NKAIN2: variants seen among roughly 807,000 people sequenced by gnomAD.
The protein encoded by NKAIN2 is sodium/potassium-transporting ATPase subunit beta-1-interacting protein 2.
NKAIN2 carries 14 observed loss-of-function variants against 32.6 expected under a neutral mutation model. That is an observed-to-expected ratio of 0.43 (90% CI 0.28 to 0.67). The LOEUF is 0.67. Ranked by LOEUF, NKAIN2 falls within the 30% of genes least tolerant of loss-of-function variation. The pLI is 0.17. For synonymous variants in NKAIN2, 80 were observed against 87.2 expected, an observed-to-expected ratio of 0.92 and a Z score of 0.46; for missense variants, 198 against 258.3, an observed-to-expected ratio of 0.77 and a Z score of 1.60.
At chr6:124,691,909 T>C (rs958193825) in intron 4 of NKAIN2, among the ~76,000 whole-genome samples, 4 of 152,148 alleles carry the variant, frequency 2.6e-5, no homozygotes, top group African/African-American at 9.7e-5. Flanking sequence ...CTTAAGAAAA[T>C]CACATCACTT....
intron 1 of NKAIN2, among the ~76,000 whole-genome samples, chr6:123,961,995 C>G (rs1777871655): frequency 6.6e-6 from 1 of 152,076 alleles, no homozygotes; most frequent in Non-Finnish European, 1.5e-5. Context: ...ATTGCTTCAT[C>G]AAATAGTTTA....
intron 1 of NKAIN2, among the ~76,000 whole-genome samples, chr6:123,871,619 T>G (rs375007883): frequency 6.6e-6 from 1 of 152,168 alleles, no homozygotes; most frequent in Admixed American, 6.5e-5. Flanking sequence ...GGAGATATAT[T>G]TGGACACTTT....
chr6:124,686,750 C>G (rs1189021996), intron 4 of NKAIN2, among the ~76,000 whole-genome samples: 7 of 152,032 alleles, frequency 4.6e-5, no homozygotes, highest in African/African-American at 1.4e-4. Flanking sequence ...TATGGCCATA[C>G]CTGTGATGGT....
At chr6:124,505,944 C>A (rs1323614025) in intron 3 of NKAIN2, among the ~76,000 whole-genome samples, 1 of 152,054 alleles carries the variant, frequency 6.6e-6, no homozygotes, top group South Asian at 2.1e-4. Flanking sequence ...GAGGCCGAGG[C>A]AGGCAGATCA....
At chr6:124,308,487 A>G (rs980249237) in intron 2 of NKAIN2, among the ~76,000 whole-genome samples, 14 of 152,250 alleles carry the variant, frequency 9.2e-5, no homozygotes, top group African/African-American at 1.7e-4. Flanking sequence ...GCAAACAGAT[A>G]TAAACATTTA....
At chr6:124,210,150 T>A (rs1010315911) in intron 1 of NKAIN2, among the ~76,000 whole-genome samples, 3 of 151,952 alleles carry the variant, frequency 2.0e-5, no homozygotes, top group Admixed American at 2.0e-4. Context: ...GAGATCTAGT[T>A]TCATTCTTCT....
chr6:124,077,165 G>A (rs1217685953), intron 1 of NKAIN2, among the ~76,000 whole-genome samples: 1 of 152,162 alleles, frequency 6.6e-6, no homozygotes, highest in Non-Finnish European at 1.5e-5. Context: ...GTTTTGTGCT[G>A]TAGCACAATC....
In NKAIN2 at chr6:124,355,268, A is replaced by G. The variant is rs752985082; in HGVS notation, c.194A>G (p.Tyr65Cys). The change falls in exon 3 of 7, where the codon TAT (tyrosine) becomes TGT (cysteine). Residue 65 changes from tyrosine (Y) to cysteine (C), a missense_variant and splice_region_variant. Tyr to Cys is a radical substitution (Grantham distance 194). Coordinates refer to ENST00000368417, the MANE Select transcript of NKAIN2 (RefSeq NM_001040214.3). ...IQYRPRYITG[Y>C]AVWLVLWVTW... ...TATTTCTCTCTTGCTTCTCTACAGT[A>G]TGCTGTCTGGCTAGTCCTCTGGGTT... 2 of 1,590,862 alleles carry G rather than the reference A, an allele frequency of 1.3e-6. No homozygotes were observed. The highest frequency in any genetic ancestry group is 2.2e-5 in the South Asian group (2 of 90,570).
chr6:124,168,639 T>TA (rs1788693821), intron 1 of NKAIN2, among the ~76,000 whole-genome samples: 1 of 152,062 alleles, frequency 6.6e-6, no homozygotes, highest in Non-Finnish European at 1.5e-5. Context: ...TTTAGAACCA[T>TA]TGCCTGTGTG....
intron 3 of NKAIN2, among the ~76,000 whole-genome samples, chr6:124,496,198 C>T (rs917722335): frequency 3.9e-5 from 6 of 152,110 alleles, no homozygotes; most frequent in African/African-American, 1.2e-4. Context: ...TTTACTCCCT[C>T]GTCAAATGTG....
intron 3 of NKAIN2, among the ~76,000 whole-genome samples, chr6:124,457,926 A>G (rs1251595477): frequency 6.6e-6 from 1 of 151,938 alleles, no homozygotes; most frequent in Non-Finnish European, 1.5e-5. Context: ...ACCTGTGTGT[A>G]TGAAAGGTGC....
chr6:123,814,504 A>G (rs1773610739), intron 1 of NKAIN2, among the ~76,000 whole-genome samples: 1 of 152,216 alleles, frequency 6.6e-6, no homozygotes, highest in Non-Finnish European at 1.5e-5. Context: ...ATGTGGTGAC[A>G]TTTAATTATA....
chr6:124,653,096 A>G (rs1198197759), intron 3 of NKAIN2, among the ~76,000 whole-genome samples: 1 of 152,200 alleles, frequency 6.6e-6, no homozygotes, highest in Non-Finnish European at 1.5e-5. Context: ...AGCTTGATCG[A>G]TAGATTCATC....
At position 124,698,943 on chromosome 6, in the gene NKAIN2, A is replaced by C. The variant is rs183051264; in HGVS notation, c.474+40557A>C. 1.8e-3 allele frequency among the ~76,000 whole-genome samples: 280 copies of C among 152,300 alleles called. 4 individuals are homozygous for C. The highest frequency in any genetic ancestry group is 1.2e-3 in the Non-Finnish European group (84 of 68,018). On this transcript the variant is annotated intron_variant, in intron 4 of 6. Transcript: ENST00000368417. ...TAGTGCAGGGTAAAGGTTGAGAGTT[A>C]AATTACTTGTGATCCAGGCCTAGCA...
At chr6:124,413,242 A>G (rs1774297820) in intron 3 of NKAIN2, among the ~76,000 whole-genome samples, 1 of 152,174 alleles carries the variant, frequency 6.6e-6, no homozygotes, top group Admixed American at 6.5e-5. Flanking sequence ...GGAAATGCAG[A>G]AATCACCTGT....
chr6:124,515,551 C>A (rs996360185), intron 3 of NKAIN2, among the ~76,000 whole-genome samples: 8 of 151,946 alleles, frequency 5.3e-5, no homozygotes, highest in Non-Finnish European at 1.2e-4. Context: ...CCAGCTCCCC[C>A]CAGGAAGGGC....
intron 3 of NKAIN2, among the ~76,000 whole-genome samples, chr6:124,463,883 A>G (rs142314734): frequency 1.2e-4 from 19 of 152,298 alleles, no homozygotes; most frequent in African/African-American, 4.1e-4. Flanking sequence ...AATCCAAAAT[A>G]TGATCTTTAG....
chr6:124,318,187 G>T (rs1797039316), intron 2 of NKAIN2, among the ~76,000 whole-genome samples: 1 of 151,974 alleles, frequency 6.6e-6, no homozygotes, highest in Non-Finnish European at 1.5e-5. Context: ...TTTAAAAAAT[G>T]CTATTAGAGG....
At chr6:124,412,574 G>A (rs1298553122) in intron 3 of NKAIN2, among the ~76,000 whole-genome samples, 1 of 152,212 alleles carries the variant, frequency 6.6e-6, no homozygotes, top group Non-Finnish European at 1.5e-5. Context: ...CGAGGTGTCA[G>A]TCTGCCCCTA....
Sources: allele counts gnomAD v4.1 joint callset (sites outside exome capture counted in the v4.1 genomes callset), GRCh38; gene constraint gnomAD v4.1.1; transcripts MANE v1.5; gene names NCBI Gene and HGNC (gene_info 2026-07-23, HGNC 2026-07-21).